ZMAT3: variants seen among roughly 807,000 people sequenced by gnomAD.
ZMAT3 encodes the protein zinc finger matrin-type protein 3.
Under a neutral mutation model 32.3 loss-of-function variants are expected in ZMAT3, and 17 were observed. That is an observed-to-expected ratio of 0.53 (90% CI 0.36 to 0.79). ZMAT3 has a LOEUF of 0.79. Among genes scored for constraint, ZMAT3 ranks in the 30% least tolerant of loss-of-function variants. The pLI, the probability that ZMAT3 is intolerant of heterozygous loss-of-function variation, is 0.00. For missense variants in ZMAT3, 329 were observed against 359.7 expected, an observed-to-expected ratio of 0.91 and a Z score of 0.69; for synonymous variants, 120 against 133.1, an observed-to-expected ratio of 0.90 and a Z score of 0.68.
chr3:179,046,942 C>T lies in ZMAT3; in HGVS notation c.271-15943G>A, dbSNP rs1720272926. Among the ~76,000 whole-genome samples, 1 of 152,210 alleles carries T rather than the reference C, an allele frequency of 6.6e-6. No homozygotes were observed. The highest frequency in any genetic ancestry group is 1.5e-5 in the Non-Finnish European group (1 of 68,042). On this transcript the variant is annotated intron_variant, in intron 2 of 5. Coordinates refer to ENST00000311417, the MANE Select transcript of ZMAT3 (RefSeq NM_022470.4). This position sits in a 1 kb window ranked among gnomAD's most constrained non-coding sequence, Gnocchi z 4.3. Reference sequence around the variant, plus strand: ...CACACTGGTGGCCGAAGACAAAGGACATAAGCTCTTGGGAGCTCTGGGGCC... The same window carrying T: ...CACACTGGTGGCCGAAGACAAAGGATATAAGCTCTTGGGAGCTCTGGGGCC...
chr3:179,058,761 AAAAAAAAAAAAAG>A (rs1385542751), intron 2 of ZMAT3, among the ~76,000 whole-genome samples: 1 of 150,752 alleles, frequency 6.6e-6, no homozygotes, highest in African/African-American at 2.4e-5. Flanking sequence ...GTCTCAAAAA[AAAAAAAAAAAAAG>A]AAAAAAGAAA....
chr3:179,037,921 A>C (rs1293556862), intron 2 of ZMAT3, among the ~76,000 whole-genome samples: 23 of 152,218 alleles, frequency 1.5e-4, no homozygotes, highest in Admixed American at 1.4e-3. Context: ...TAGGGGACAT[A>C]AACAGAATAT....
intron 2 of ZMAT3, among the ~76,000 whole-genome samples, chr3:179,067,039 G>A (rs1721451322): frequency 6.6e-6 from 1 of 152,158 alleles, no homozygotes; most frequent in South Asian, 2.1e-4. Flanking sequence ...CATGCACAGA[G>A]GTCACCTCGA....
chr3:179,049,361 T>C (rs1156284446), intron 2 of ZMAT3, among the ~76,000 whole-genome samples: 1 of 152,196 alleles, frequency 6.6e-6, no homozygotes, highest in Non-Finnish European at 1.5e-5. Flanking sequence ...AACTGCAGAA[T>C]ATACATTCTA....
At position 179,020,855 on chromosome 3, in the gene ZMAT3, T is replaced by C. The variant is rs1189763338; in HGVS notation, c.*4162A>G. ...CAGCCAATTCAAGAGTGAAGGAAGA[T>C]GTAACCAGACATACATATCTCCCTT... is the stretch of plus-strand genomic sequence containing the variant. On this transcript the variant is annotated 3_prime_UTR_variant, in exon 6 of 6. Transcript: ENST00000311417. 1 of 152,240 alleles carries C rather than the reference T, an allele frequency of 6.6e-6. No individual in the cohort carries two copies. The highest frequency in any genetic ancestry group is 1.5e-5 in the Non-Finnish European group (1 of 68,044). The allele number at this position is 152,240 out of a possible 1,614,324, so 9.4% of individuals were successfully genotyped here. A position where few individuals can be genotyped will look rare whatever the true frequency, so the allele number is the denominator to read the frequency against.
At chr3:179,065,838 AG>A (rs1721387790) in intron 2 of ZMAT3, among the ~76,000 whole-genome samples, 1 of 152,124 alleles carries the variant, frequency 6.6e-6, no homozygotes, top group Admixed American at 6.6e-5. Flanking sequence ...CCCCGGAGAC[AG>A]GGGCTGCAGT....
At chr3:179,062,756 T>C (rs1210549927) in intron 2 of ZMAT3, among the ~76,000 whole-genome samples, 2 of 152,240 alleles carry the variant, frequency 1.3e-5, no homozygotes, top group Non-Finnish European at 2.9e-5. Context: ...TGAATTATTC[T>C]TCATGAGAAT....
chr3:179,055,148 C>T (rs918959647), intron 2 of ZMAT3, among the ~76,000 whole-genome samples: 1 of 152,044 alleles, frequency 6.6e-6, no homozygotes, highest in Admixed American at 6.6e-5. Flanking sequence ...GGAAACATTC[C>T]CCCCAAGGCA....
chr3:179,040,385 C>T (rs559123189), intron 2 of ZMAT3, among the ~76,000 whole-genome samples: 36 of 152,270 alleles, frequency 2.4e-4, no homozygotes, highest in Admixed American at 3.9e-4. Flanking sequence ...GCGGATCTCT[C>T]GGCAGAAACC....
chr3:179,028,801 C>T (rs991633773), intron 3 of ZMAT3, among the ~76,000 whole-genome samples: 1 of 152,172 alleles, frequency 6.6e-6, no homozygotes, highest in African/African-American at 2.4e-5. Flanking sequence ...CTTTTAAATA[C>T]TAAAAACTAA....
intron 2 of ZMAT3, among the ~76,000 whole-genome samples, chr3:179,058,574 GT>G (rs1332088275): frequency 6.6e-6 from 1 of 152,016 alleles, no homozygotes; most frequent in African/African-American, 2.4e-5. Flanking sequence ...AGCTAAAACG[GT>G]GAAACCCCGT....
At chr3:179,070,839 T>C (rs908533169) in intron 1 of ZMAT3, among the ~76,000 whole-genome samples, 4 of 152,238 alleles carry the variant, frequency 2.6e-5, no homozygotes, top group Non-Finnish European at 5.9e-5. Flanking sequence ...TTAATTGTCA[T>C]AGCATACTTA....
intron 2 of ZMAT3, among the ~76,000 whole-genome samples, chr3:179,044,153 A>T (rs376529199): frequency 8.5e-5 from 13 of 152,340 alleles, no homozygotes; most frequent in South Asian, 6.2e-4. Flanking sequence ...CCACTGTGGA[A>T]GACAGTGTGG....
At chr3:179,071,962 T>G (rs1305155115), upstream of ZMAT3, 1 of 152,800 alleles carries the variant, frequency 6.5e-6, no homozygotes, top group Non-Finnish European at 1.5e-5. Flanking sequence ...TCAGGTGCCC[T>G]GGCCGCGAGC....
At chr3:179,070,772 A>AC (rs1721667653) in intron 1 of ZMAT3, among the ~76,000 whole-genome samples, 1 of 152,364 alleles carries the variant, frequency 6.6e-6, no homozygotes, top group South Asian at 2.1e-4. Flanking sequence ...TTTGGAAAGG[A>AC]GCTAAGACGA....
intron 2 of ZMAT3, among the ~76,000 whole-genome samples, chr3:179,048,795 C>T (rs941568174): frequency 2.1e-5 from 3 of 144,944 alleles, no homozygotes; most frequent in Non-Finnish European, 4.5e-5. Flanking sequence ...AAAAAAACAG[C>T]ACAATGAACA....
intron 2 of ZMAT3, among the ~76,000 whole-genome samples, chr3:179,059,632 C>T (rs1316381985): frequency 1.3e-5 from 2 of 152,134 alleles, no homozygotes; most frequent in Non-Finnish European, 2.9e-5. Flanking sequence ...AGATGCAGTC[C>T]ATGACTAAAA....
chr3:179,047,118 C>T (rs901956126), intron 2 of ZMAT3, among the ~76,000 whole-genome samples: 4 of 152,222 alleles, frequency 2.6e-5, no homozygotes, highest in African/African-American at 9.6e-5. Flanking sequence ...TCCCCGGCTA[C>T]CTCCACCAGA....
Position 179,024,994 on chromosome 3 carries a change from G to T in ZMAT3, c.*23C>A. On this transcript the variant is annotated 3_prime_UTR_variant, in exon 6 of 6. Transcript: ENST00000311417. ...AGGCAAACAACAGGCAGGAAAAGCT[G>T]CTCTATCTTAATATGATAATCACTA... 2 of 1,611,190 alleles carry T rather than the reference G, an allele frequency of 1.2e-6. No individual in the cohort carries two copies. Among genetic ancestry groups the T allele is most frequent in the Non-Finnish European group, 1.7e-6 (2 of 1,177,684 alleles).
Sources: gnomAD v4.1 joint callset for allele counts (sites outside exome capture counted in the v4.1 genomes callset) on GRCh38, gnomAD v4.1.1 for gene constraint, Gnocchi (gnomAD v3.1) non-coding constraint, MANE v1.5 for transcripts, NCBI Gene and HGNC (gene_info 2026-07-23, HGNC 2026-07-21) for gene names.